EPHA6: variants seen among roughly 807,000 people sequenced by gnomAD.
The protein encoded by EPHA6 is EPH receptor A6.
Under a neutral mutation model 112.0 loss-of-function variants are expected in EPHA6, and 50 were observed. The ratio of observed to expected loss-of-function variants is 0.45; its 90% CI spans 0.36 to 0.56. The LOEUF is 0.56. EPHA6 is among the 20% of genes least tolerant of loss of function. EPHA6 has a pLI of 0.00. For missense variants in EPHA6, 1,280 were observed against 1,417.4 expected (o/e 0.90, Z 1.56); for synonymous variants, 529 against 490.7 (o/e 1.08, Z -1.03).
chr3:97,177,695 T>C (rs2076875180), intron 3 of EPHA6, among the ~76,000 whole-genome samples: 2 of 151,988 alleles, frequency 1.3e-5, no homozygotes, highest in Admixed American at 6.6e-5. Flanking sequence ...CCCTTTATCA[T>C]CATATAGGGA....
At chr3:97,725,678 C>A (rs970330962) in intron 15 of EPHA6, among the ~76,000 whole-genome samples, 4 of 152,086 alleles carry the variant, frequency 2.6e-5, no homozygotes, top group South Asian at 2.1e-4. Flanking sequence ...CCAAAAAATT[C>A]TTTGCAGATA....
chr3:97,481,687 A>C (rs147675559), intron 9 of EPHA6, among the ~76,000 whole-genome samples: 28,490 of 111,786 alleles, frequency 0.25, 4,100 homozygotes, highest in African/African-American at 0.46. Context: ...CCCGCCCCGC[A>C]CCGCCCCGGC....
chr3:97,497,536 G>T (rs1042170091), intron 10 of EPHA6, among the ~76,000 whole-genome samples: 2 of 152,068 alleles, frequency 1.3e-5, no homozygotes, highest in Admixed American at 1.3e-4. Context: ...ACATGTACAT[G>T]TGTTTTGTTT....
chr3:97,733,603 G>A (rs937274850), intron 15 of EPHA6, among the ~76,000 whole-genome samples: 2 of 151,936 alleles, frequency 1.3e-5, no homozygotes, highest in Non-Finnish European at 2.9e-5. Context: ...AGAAAATTTA[G>A]AAGTATAATT....
intron 1 of EPHA6, among the ~76,000 whole-genome samples, chr3:96,829,296 G>A (rs1468749178): frequency 6.6e-6 from 1 of 152,098 alleles, no homozygotes; most frequent in Non-Finnish European, 1.5e-5. Flanking sequence ...CAGAAGGTAA[G>A]GAGTACAGTT....
At chr3:96,892,225 CGTTT>C (rs888292735) in intron 2 of EPHA6, among the ~76,000 whole-genome samples, 8 of 151,562 alleles carry the variant, frequency 5.3e-5, no homozygotes, top group African/African-American at 1.7e-4. Flanking sequence ...GTTTTTTGTT[CGTTT>C]GTTTGTTTTG....
At position 97,419,788 on chromosome 3, in the gene EPHA6, T is replaced by A. The variant is rs1468717399; in HGVS notation, c.1731+14514T>A. ...AAAACCAAAAATTGAAAAAACTGATTGATTACATAAACCTTTAGAAAGATT... is the reference window on the plus strand; with the variant it reads ...AAAACCAAAAATTGAAAAAACTGATAGATTACATAAACCTTTAGAAAGATT... On this transcript the variant is annotated intron_variant, in intron 6 of 17. Transcript: ENST00000389672. 2.6e-5 allele frequency among the ~76,000 whole-genome samples: 4 copies of A among 152,194 alleles called. No homozygotes were observed. The South Asian group carries it at 8.3e-4, about 32-fold the overall frequency.
At chr3:97,672,140 G>T (rs2030911862) in intron 14 of EPHA6, among the ~76,000 whole-genome samples, 1 of 152,138 alleles carries the variant, frequency 6.6e-6, no homozygotes, top group South Asian at 2.1e-4. Flanking sequence ...TTCATTTCCT[G>T]CCCAAAGGGA....
chr3:96,824,556 G>A (rs1212242257), intron 1 of EPHA6, among the ~76,000 whole-genome samples: 2 of 151,824 alleles, frequency 1.3e-5, no homozygotes, highest in Non-Finnish European at 1.5e-5. Flanking sequence ...GAAATATTTT[G>A]ACACCTATTA....
At chr3:96,882,948 G>A (rs776498860) in intron 2 of EPHA6, among the ~76,000 whole-genome samples, 1 of 152,164 alleles carries the variant, frequency 6.6e-6, no homozygotes, top group Admixed American at 6.5e-5. Flanking sequence ...ATACCCAGTA[G>A]TGGGATTGCT....
intron 2 of EPHA6, among the ~76,000 whole-genome samples, chr3:96,889,624 GA>G (rs1247968898): frequency 6.6e-6 from 1 of 152,126 alleles, no homozygotes; most frequent in Non-Finnish European, 1.5e-5. Context: ...CAACATGTAG[GA>G]ATTATGTGAG....
At chr3:97,397,221 C>CT (rs1375285529) in intron 5 of EPHA6, among the ~76,000 whole-genome samples, 2 of 151,318 alleles carry the variant, frequency 1.3e-5, no homozygotes, top group Admixed American at 1.3e-4. Context: ...TATTTTCTTG[C>CT]TTTTTTTTCC....
chr3:97,440,187 T>A (rs928694179), intron 6 of EPHA6, among the ~76,000 whole-genome samples: 2 of 152,130 alleles, frequency 1.3e-5, no homozygotes, highest in Non-Finnish European at 2.9e-5. Context: ...AATTTAAAGA[T>A]TAATTTATTT....
intron 1 of EPHA6, among the ~76,000 whole-genome samples, chr3:96,864,166 T>C (rs2036170559): frequency 6.6e-6 from 1 of 152,072 alleles, no homozygotes; most frequent in Non-Finnish European, 1.5e-5. Context: ...TCCAGATGGA[T>C]AGTTTATTTA....
chr3:97,748,500 G>C, intron 17 of EPHA6, 87 bp from the exon 18 acceptor site: 1 of 722,806 alleles, frequency 1.4e-6, no homozygotes, highest in Non-Finnish European at 2.5e-6. Context: ...TATTAGATCT[G>C]AATGTTCATA....
At chr3:96,894,707 A>G (rs1320868971) in intron 2 of EPHA6, among the ~76,000 whole-genome samples, 1 of 152,128 alleles carries the variant, frequency 6.6e-6, no homozygotes, top group East Asian at 1.9e-4. Context: ...GAGATGGCAA[A>G]CAACTTTAAT....
chr3:97,051,790 T>C (rs763703831), intron 3 of EPHA6, among the ~76,000 whole-genome samples: 11 of 152,106 alleles, frequency 7.2e-5, no homozygotes, highest in Non-Finnish European at 1.6e-4. Context: ...GAGATTCTGA[T>C]ATAATTGTTC....
Position 96,856,519 on chromosome 3 carries a change from A to G in EPHA6, c.386-10306A>G, listed in dbSNP as rs570782366. On this transcript the variant is annotated intron_variant, in intron 1 of 17. Coordinates refer to ENST00000389672, the MANE Select transcript of EPHA6 (RefSeq NM_001080448.3). ...GACTAGGCCTTCTAAAATTTAGCCA[A>G]TAAAGGATAGGCAATAACTATGGGA... Among the ~76,000 whole-genome samples the G allele has an allele frequency of 5.9e-5, 9 of 152,282 alleles. No individual in the cohort carries two copies. In the South Asian group the frequency reaches 1.7e-3, roughly 28 times the overall value.
intron 3 of EPHA6, among the ~76,000 whole-genome samples, chr3:97,090,762 C>T (rs1450891196): frequency 6.6e-6 from 1 of 151,972 alleles, no homozygotes; most frequent in African/African-American, 2.4e-5. Flanking sequence ...TTATAATGGA[C>T]TCATTGGCTG....
Sources: gnomAD v4.1 joint callset for allele counts (sites outside exome capture counted in the v4.1 genomes callset) on GRCh38, gnomAD v4.1.1 for gene constraint, MANE v1.5 for transcripts, NCBI Gene and HGNC (gene_info 2026-07-23, HGNC 2026-07-21) for gene names.